DSC2: variants seen among roughly 807,000 people sequenced by gnomAD.
DSC2 encodes desmocollin 2.
A neutral mutation model predicts 87.6 loss-of-function variants in DSC2; 51 were observed. The observed-to-expected ratio is 0.58, with a 90% CI of 0.46 to 0.74. The LOEUF is 0.74. Among genes scored for constraint, DSC2 ranks in the 30% least tolerant of loss-of-function variants. DSC2 has a pLI of 0.00. For missense variants in DSC2, 1,066 were observed against 1,089.5 expected (o/e 0.98, Z 0.30); for synonymous variants, 383 against 393.2 (o/e 0.97, Z 0.31).
Position 31,059,672 on chromosome 18 carries a change from T to C in DSC2, c.*8343A>G, listed in dbSNP as rs1439041457. ...CATGGAAACACACAATGAATAAATA[T>C]TTCATTTACCGAGGATTTATCACTC... On this transcript the variant is annotated 3_prime_UTR_variant, in exon 16 of 16. Coordinates refer to ENST00000280904, the MANE Select transcript of DSC2 (RefSeq NM_024422.6). 3 of 152,162 alleles carry C rather than the reference T, an allele frequency of 2.0e-5. No homozygotes were observed. The allele number at this position is 152,162 out of a possible 1,614,324, so 9.4% of individuals were successfully genotyped here. A position where few individuals can be genotyped will look rare whatever the true frequency, so the allele number is the denominator to read the frequency against.
intron 1 of DSC2, among the ~76,000 whole-genome samples, chr18:31,094,315 T>C (rs1229623404): frequency 6.6e-6 from 1 of 152,196 alleles, no homozygotes; most frequent in African/African-American, 2.4e-5. Context: ...ATGAAGTGAT[T>C]TGGAGAATAT....
At chr18:31,088,496 C>T (rs2144835930) in intron 5 of DSC2, among the ~76,000 whole-genome samples, 1 of 152,192 alleles carries the variant, frequency 6.6e-6, no homozygotes, top group South Asian at 2.1e-4. Flanking sequence ...CAATTCTAAA[C>T]CTAAATACTT....
chr18:31,090,862 C>T (rs1987569103), intron 4 of DSC2, among the ~76,000 whole-genome samples, 166 bp downstream of exon 4: 1 of 152,110 alleles, frequency 6.6e-6, no homozygotes, highest in Admixed American at 6.6e-5. Flanking sequence ...AAAGTGTATG[C>T]AAGTATAAAG....
intron 1 of DSC2, among the ~76,000 whole-genome samples, chr18:31,099,149 G>A (rs1003721819): frequency 6.6e-6 from 1 of 152,194 alleles, no homozygotes; most frequent in African/African-American, 2.4e-5. Flanking sequence ...ATCTGAACTA[G>A]TAATATTAAT....
At chr18:31,078,272 G>A (rs1402943967) in intron 11 of DSC2, among the ~76,000 whole-genome samples, 1 of 152,152 alleles carries the variant, frequency 6.6e-6, no homozygotes, top group African/African-American at 2.4e-5. Flanking sequence ...AAACACATGT[G>A]GAATTACTGA....
At position 31,102,332 on chromosome 18, in the gene DSC2, A is replaced by AC; in HGVS notation, c.-362dup. On this transcript the variant is annotated 5_prime_UTR_variant, in exon 1 of 16. An upstream open reading frame in the 5' UTR loses its in-frame stop. Coordinates refer to ENST00000280904, the MANE Select transcript of DSC2 (RefSeq NM_024422.6). ...AAGGTGTTTCTCACCAGCGGACGCC[A>AC]CCTATAAGGCCCATCTCCCCCACCA... is the stretch of plus-strand genomic sequence containing the variant. The AC allele has an allele frequency of 4.9e-6, 1 of 205,376 alleles. No homozygotes were observed. Among genetic ancestry groups the AC allele is most frequent in the Non-Finnish European group, 9.7e-6 (1 of 103,420 alleles). The allele number at this position is 205,376 out of a possible 1,614,324, so 12.7% of individuals were successfully genotyped here.
Position 31,071,658 on chromosome 18 carries a change from T to C in DSC2, c.2072A>G (p.Gln691Arg). The C allele has an allele frequency of 6.2e-7, 1 of 1,613,584 alleles. No individual in the cohort carries two copies. The highest frequency in any genetic ancestry group is 8.5e-7 in the Non-Finnish European group (1 of 1,179,892). The change falls in exon 13 of 16, where the codon CAA (glutamine) becomes CGA (arginine). Residue 691 changes from glutamine (Q) to arginine (R), a missense_variant. By Grantham distance (43) the Gln-to-Arg change is conservative. Coordinates refer to ENST00000280904, the MANE Select transcript of DSC2 (RefSeq NM_024422.6). The part of the protein sequence containing the change: ...VDPRIGGGGV[Q>R]LGKWAILAIL... Reference sequence around the variant, plus strand: ...TGCAAGGATGGCCCACTTTCCAAGTTGTACTCCTCCACCGCCAATCCTTGG... The same window carrying C: ...TGCAAGGATGGCCCACTTTCCAAGTCGTACTCCTCCACCGCCAATCCTTGG...
Position 31,062,353 on chromosome 18 carries a change from T to G in DSC2, c.*5662A>C, listed in dbSNP as rs2144768372. 1 of 151,860 alleles carries G rather than the reference T, an allele frequency of 6.6e-6. No individual in the cohort carries two copies. The highest frequency in any genetic ancestry group is 2.0e-4 in the East Asian group (1 of 5,124). The allele number at this position is 151,860 out of a possible 1,614,324, so 9.4% of individuals were successfully genotyped here. A position where few individuals can be genotyped will look rare whatever the true frequency, so the allele number is the denominator to read the frequency against. Reference sequence around the variant, plus strand: ...CATTTCTTGAATTTCTAAACATAAGTGGTTTTTAGTTGCTTTTCCTCAGGT... The same window carrying G: ...CATTTCTTGAATTTCTAAACATAAGGGGTTTTTAGTTGCTTTTCCTCAGGT... On this transcript the variant is annotated 3_prime_UTR_variant, in exon 16 of 16. Coordinates refer to ENST00000280904, the MANE Select transcript of DSC2 (RefSeq NM_024422.6).
At position 31,091,053 on chromosome 18, in the gene DSC2, C is replaced by T. The variant is rs1480345392; in HGVS notation, c.449G>A (p.Gly150Asp). 6.2e-7 allele frequency: 1 copy of T among 1,613,964 alleles called. No individual in the cohort carries two copies. Among genetic ancestry groups the T allele is most frequent in the Non-Finnish European group, 8.5e-7 (1 of 1,179,924 alleles). ...IPCSMLENSL[G>D]PFPLFLQQVQ... ...CTGTTGAAGGAAAAGTGGAAAAGGA[C>T]CCAAGGAGTTTTCTAGCATCGAACA... The change falls in exon 4 of 16, where the codon GGT (glycine) becomes GAT (aspartate). Residue 150 changes from glycine (G) to aspartate (D), a missense_variant. Coordinates refer to ENST00000280904, the MANE Select transcript of DSC2 (RefSeq NM_024422.6).
chr18:31,080,302 A>G lies in DSC2; in HGVS notation c.1314T>C (p.Val438=). The part of the protein sequence containing the change: ...KQQMILQIGV[V]NEAPFSREAS... ...CCTCTCTGGAAAATGGAGCTTCATT[A>G]ACTACACCAATTTGCAAGATCATCT... Residue 438 remains valine (V), a synonymous_variant, in exon 10 of 16, where the codon GTT becomes GTC. Transcript: ENST00000280904. The G allele has an allele frequency of 6.2e-7, 1 of 1,614,078 alleles. No homozygotes were observed. Among genetic ancestry groups the G allele is most frequent in the Non-Finnish European group, 8.5e-7 (1 of 1,179,980 alleles).
Position 31,061,732 on chromosome 18 carries a change from C to T in DSC2, c.*6283G>A, listed in dbSNP as rs1162188870. The T allele has an allele frequency of 6.6e-6, 1 of 152,252 alleles. No individual in the cohort carries two copies. Among genetic ancestry groups the T allele is most frequent in the East Asian group, 1.9e-4 (1 of 5,186 alleles). The allele number at this position is 152,252 out of a possible 1,614,324, so 9.4% of individuals were successfully genotyped here. ...ATATCTAAAGTTTAAAATGCAGCCTCATAATGTATCTATTTGCTTAATTTA... is the reference window on the plus strand; with the variant it reads ...ATATCTAAAGTTTAAAATGCAGCCTTATAATGTATCTATTTGCTTAATTTA... On this transcript the variant is annotated 3_prime_UTR_variant, in exon 16 of 16. Transcript: ENST00000280904.
intron 6 of DSC2, 35 bp from the exon 7 acceptor site, chr18:31,086,777 A>C: frequency 6.2e-7 from 1 of 1,600,292 alleles, no homozygotes; most frequent in Admixed American, 1.7e-5. Flanking sequence ...TCTCCAAAAC[A>C]TTCACATGTT....
intron 14 of DSC2, among the ~76,000 whole-genome samples, chr18:31,069,563 A>C (rs1986757845): frequency 6.6e-6 from 1 of 152,008 alleles, no homozygotes; most frequent in Non-Finnish European, 1.5e-5. Flanking sequence ...AAAAATACAA[A>C]AATCAGCTGG....
chr18:31,100,961 G>A lies in DSC2; in HGVS notation c.69+942C>T, dbSNP rs72924514. On this transcript the variant is annotated intron_variant, in intron 1 of 15. Transcript: ENST00000280904. Reference sequence around the variant, plus strand: ...CAACGAGATCCCATCGGTCAAGCCTGGGAAAGGGGCTGTCCCGCCCCAAAT... The same window carrying A: ...CAACGAGATCCCATCGGTCAAGCCTAGGAAAGGGGCTGTCCCGCCCCAAAT... 4.0e-3 allele frequency among the ~76,000 whole-genome samples: 611 copies of A among 152,214 alleles called. 3 individuals are homozygous for A. The highest frequency in any genetic ancestry group is 7.0e-3 in the Non-Finnish European group (476 of 68,012).
chr18:31,081,726 A>C (rs1461039531), intron 9 of DSC2, among the ~76,000 whole-genome samples: 4 of 152,204 alleles, frequency 2.6e-5, no homozygotes, highest in Non-Finnish European at 5.9e-5. Flanking sequence ...GGCTGCTGAA[A>C]TAGTATTAGA....
chr18:31,098,073 C>T (rs1454720844), intron 1 of DSC2, among the ~76,000 whole-genome samples: 1 of 152,060 alleles, frequency 6.6e-6, no homozygotes, highest in Admixed American at 6.5e-5. Context: ...GTTTATCAAT[C>T]ACCTTTTGAC....
chr18:31,084,083 C>T (rs1372748436), intron 7 of DSC2, among the ~76,000 whole-genome samples: 30 of 152,094 alleles, frequency 2.0e-4, no homozygotes, highest in Non-Finnish European at 1.2e-4. Context: ...TAAAATCTAT[C>T]CTCATCTTCT....
chr18:31,101,645 C>T (rs1225686388), intron 1 of DSC2: 12 of 460,970 alleles, frequency 2.6e-5, no homozygotes, highest in Admixed American at 4.4e-5. Flanking sequence ...CGAAAGCGGC[C>T]CGCTCCCGCC....
chr18:31,102,337 T>G lies in DSC2; in HGVS notation c.-366A>C. On this transcript the variant is annotated 5_prime_UTR_variant, in exon 1 of 16. Coordinates refer to ENST00000280904, the MANE Select transcript of DSC2 (RefSeq NM_024422.6). Reference sequence around the variant, plus strand: ...GTTTCTCACCAGCGGACGCCACCTATAAGGCCCATCTCCCCCACCACGCCC... The same window carrying G: ...GTTTCTCACCAGCGGACGCCACCTAGAAGGCCCATCTCCCCCACCACGCCC... 1.0e-5 allele frequency: 2 copies of G among 193,836 alleles called. No homozygotes were observed. Among genetic ancestry groups the G allele is most frequent in the Non-Finnish European group, 1.0e-5 (1 of 95,940 alleles). 12.0% of individuals were successfully genotyped at this position (193,836 alleles called of 1,614,324 possible).
Sources: allele counts gnomAD v4.1 joint callset (sites outside exome capture counted in the v4.1 genomes callset), GRCh38; gene constraint gnomAD v4.1.1; transcripts MANE v1.5; gene names NCBI Gene and HGNC (gene_info 2026-07-23, HGNC 2026-07-21).